The following VWF variants were observed in gnomAD, a reference collection of about 807,000 sequenced individuals.
The protein encoded by VWF is Factor VIII related antigen.
In VWF, 176 loss-of-function variants were observed where a neutral mutation model predicts 308.6. The ratio of observed to expected loss-of-function variants is 0.57; its 90% CI spans 0.50 to 0.65. The LOEUF (loss-of-function observed/expected upper bound fraction) is 0.65, where lower values mean the gene tolerates loss of function less well. Among genes scored for constraint, VWF ranks in the 30% least tolerant of loss-of-function variants. The probability of loss-of-function intolerance (pLI) is 0.00; values close to 1 mark genes in which losing one functional copy is unlikely to be tolerated. For missense variants in VWF, 3,146 were observed against 3,648.2 expected, an observed-to-expected ratio of 0.86 and a Z score of 3.55; for synonymous variants, 1,385 against 1,443.4, an observed-to-expected ratio of 0.96 and a Z score of 0.92.
intron 34 of VWF, among the ~76,000 whole-genome samples, chr12:6,005,118 T>A (rs1396979220): frequency 6.6e-6 from 1 of 152,124 alleles, no homozygotes; most frequent in East Asian, 1.9e-4. Context: ...AGGAAAACAC[T>A]TTAGAATAAA....
chr12:6,062,072 A>G (rs1198517633), intron 13 of VWF, among the ~76,000 whole-genome samples: 1 of 152,228 alleles, frequency 6.6e-6, no homozygotes, highest in Non-Finnish European at 1.5e-5. Context: ...TAATAAATAC[A>G]TATTTTAAAT....
rs1477009293 is a variant in VWF at position 6,100,725 on chromosome 12, C to T, written c.533-5141G>A. Among the ~76,000 whole-genome samples the T allele has an allele frequency of 3.3e-5, 5 of 152,252 alleles. No individual in the cohort carries two copies. The East Asian group carries it at 9.6e-4, about 29-fold the overall frequency. On this transcript the variant is annotated intron_variant, in intron 5 of 51. Transcript: ENST00000261405. ...CATGGACACAGGAAGGGGAACATCA[C>T]ACTCTGGGGACTGTTGTGGGGTTGG... is the stretch of plus-strand genomic sequence containing the variant.
At position 6,036,465 on chromosome 12, in the gene VWF, G is replaced by A; in HGVS notation, c.2469C>T (p.Ala823=). Residue 823 remains alanine (A), a synonymous_variant, in exon 19 of 52, where the codon GCC becomes GCT. Transcript: ENST00000261405. ...GMVRHENRCV[A]LERCPCFHQG... is the part of the protein sequence containing the mutation. ...GATGGAAGCAGGGACACCTTTCCAG[G>A]GCCACACATCTGTTCTCATGCCGGA... 1 of 1,614,152 alleles carries A rather than the reference G, an allele frequency of 6.2e-7. No individual in the cohort carries two copies. Among genetic ancestry groups the A allele is most frequent in the Non-Finnish European group, 8.5e-7 (1 of 1,180,026 alleles).
intron 5 of VWF, 124 bp from the exon 6 acceptor site, chr12:6,095,708 G>T: frequency 1.4e-6 from 2 of 1,398,260 alleles, no homozygotes; most frequent in Non-Finnish European, 2.0e-6. Flanking sequence ...AAGAGACAGG[G>T]TCTGGCTATG....
intron 16 of VWF, among the ~76,000 whole-genome samples, chr12:6,049,171 T>G (rs1297336917): frequency 6.6e-6 from 1 of 152,092 alleles, no homozygotes; most frequent in Non-Finnish European, 1.5e-5. Flanking sequence ...CGAGGCTCAT[T>G]CTCCAGTGTG....
chr12:6,040,381 G>C (rs2136436120), intron 18 of VWF, among the ~76,000 whole-genome samples: 1 of 152,240 alleles, frequency 6.6e-6, no homozygotes, highest in East Asian at 1.9e-4. Context: ...ATGCTCCTGT[G>C]TGTGCTAATT....
intron 34 of VWF, 150 bp from the exon 35 acceptor site, chr12:5,996,372 CT>C (rs1299918404): frequency 1.2e-5 from 9 of 735,636 alleles, no homozygotes; most frequent in African/African-American, 5.3e-5. Context: ...CAATTTCCTC[CT>C]TTTTTTACAG....
At chr12:6,085,417 T>C (rs1488246595) in intron 6 of VWF, among the ~76,000 whole-genome samples, 1 of 152,230 alleles carries the variant, frequency 6.6e-6, no homozygotes, top group African/African-American at 2.4e-5. Context: ...GTCTACGTTG[T>C]ATCACGCAAG....
At position 6,046,662 on chromosome 12, in the gene VWF, C is replaced by T; in HGVS notation, c.2281+61G>A. Reference sequence around the variant, plus strand: ...TGTCACCCAGCTCTCTCCCGCCATTCCACACGTGAGGAATCTGGGCAGGAT... The same window carrying T: ...TGTCACCCAGCTCTCTCCCGCCATTTCACACGTGAGGAATCTGGGCAGGAT... On this transcript the variant is annotated intron_variant, in intron 17 of 51. Transcript: ENST00000261405. This position sits in a 1 kb window ranked among gnomAD's most constrained non-coding sequence, Gnocchi z 5.0. 2 of 1,512,170 alleles carry T rather than the reference C, an allele frequency of 1.3e-6. No homozygotes were observed. The highest frequency in any genetic ancestry group is 1.4e-5 in the African/African-American group (1 of 72,956). 93.7% of individuals were successfully genotyped at this position (1,512,170 alleles called of 1,614,324 possible).
chr12:6,057,836 C>G lies in VWF; in HGVS notation c.1729+13G>C, dbSNP rs113420079. 2 of 1,596,714 alleles carry G rather than the reference C, an allele frequency of 1.3e-6. No homozygotes were observed. The highest frequency in any genetic ancestry group is 1.1e-5 in the South Asian group (1 of 89,086). ...TTCTGCGAGGTCCCTGCCTTGCCCC[C>G]GGGTTCACATACTCATGCGCGGGTT... On this transcript the variant is annotated intron_variant, in intron 14 of 51. Coordinates refer to ENST00000261405, the MANE Select transcript of VWF (RefSeq NM_000552.5).
At chr12:5,952,637 A>C (rs1565806922) in intron 48 of VWF, 118 bp from the exon 49 acceptor site, 95 of 1,394,004 alleles carry the variant, frequency 6.8e-5, no homozygotes, top group Non-Finnish European at 8.7e-5. Flanking sequence ...ATGAAACAAG[A>C]AGACAGTGTA....
intron 34 of VWF, among the ~76,000 whole-genome samples, chr12:6,002,709 C>G (rs1943884980): frequency 1.3e-5 from 2 of 152,126 alleles, no homozygotes; most frequent in South Asian, 2.1e-4. Context: ...AATACCAACC[C>G]CAAATGATTT....
intron 48 of VWF, 89 bp from the exon 49 acceptor site, chr12:5,952,608 C>A: frequency 6.6e-7 from 1 of 1,521,306 alleles, no homozygotes; most frequent in East Asian, 2.3e-5. Flanking sequence ...ATGGAGATGA[C>A]GAAACAATCT....
intron 6 of VWF, among the ~76,000 whole-genome samples, chr12:6,082,068 G>A (rs911669386): frequency 6.6e-6 from 1 of 151,978 alleles, no homozygotes; most frequent in Non-Finnish European, 1.5e-5. Context: ...TAGGGTTCAA[G>A]CAATTCTCTT....
chr12:6,108,368 A>ACACACAC (rs1565393069), intron 5 of VWF, among the ~76,000 whole-genome samples: 14 of 92,718 alleles, frequency 1.5e-4, no homozygotes, highest in South Asian at 3.2e-4. Flanking sequence ...CACACACACA[A>ACACACAC]AGCAAAATTT....
intron 6 of VWF, among the ~76,000 whole-genome samples, chr12:6,080,869 C>T (rs992130215): frequency 6.6e-6 from 1 of 152,202 alleles, no homozygotes; most frequent in African/African-American, 2.4e-5. Context: ...TCTCTCACTC[C>T]CCCTAGGTTA....
intron 5 of VWF, among the ~76,000 whole-genome samples, chr12:6,108,278 A>G (rs1268319800): frequency 6.7e-6 from 1 of 149,776 alleles, no homozygotes; most frequent in Non-Finnish European, 1.5e-5. Context: ...TGGGTGACAG[A>G]GCAAGACTCT....
intron 16 of VWF, 82 bp downstream of exon 16, chr12:6,052,461 A>G: frequency 6.2e-7 from 1 of 1,604,298 alleles, no homozygotes; most frequent in Non-Finnish European, 8.5e-7. Context: ...TTACCCATCC[A>G]TGAAGTAAAG....
chr12:6,011,910 C>A, intron 33 of VWF, 116 bp from the exon 34 acceptor site: 1 of 1,247,764 alleles, frequency 8.0e-7, no homozygotes. Flanking sequence ...AGCAAGGAGG[C>A]CCCCTGTACA....
Sources: allele counts gnomAD v4.1 joint callset (sites outside exome capture counted in the v4.1 genomes callset), GRCh38; gene constraint gnomAD v4.1.1; non-coding constraint Gnocchi (gnomAD v3.1); transcripts MANE v1.5; gene names NCBI Gene and HGNC (gene_info 2026-07-23, HGNC 2026-07-21).